The following ATP8B4 variants were observed in gnomAD, a reference collection of about 807,000 sequenced individuals.
ATP8B4 encodes the protein probable phospholipid-transporting ATPase IM.
ATP8B4 carries 133 observed loss-of-function variants against 145.6 expected under a neutral mutation model. The observed-to-expected ratio is 0.91, with a 90% CI of 0.79 to 1.05. ATP8B4 has a LOEUF of 1.05. Ranked by LOEUF, ATP8B4 falls within the 50% of genes least tolerant of loss-of-function variation. The pLI is 0.00. For missense variants in ATP8B4, 1,458 were observed against 1,425.2 expected, an observed-to-expected ratio of 1.02 and a Z score of -0.37; for synonymous variants, 507 against 492.9, an observed-to-expected ratio of 1.03 and a Z score of -0.38.
intron 25 of ATP8B4, among the ~76,000 whole-genome samples, chr15:49,875,909 C>T (rs1326990851): frequency 6.6e-6 from 1 of 152,168 alleles, no homozygotes; most frequent in Non-Finnish European, 1.5e-5. Flanking sequence ...CACTTTAAAA[C>T]CTGGCAGTTA....
chr15:49,969,408 A>C (rs916221998), intron 13 of ATP8B4, among the ~76,000 whole-genome samples: 17 of 152,180 alleles, frequency 1.1e-4, no homozygotes, highest in African/African-American at 4.1e-4. Context: ...AGAGAGAAGA[A>C]TCAAATAGAC....
chr15:49,983,665 T>C (rs562803296), intron 10 of ATP8B4, among the ~76,000 whole-genome samples: 11 of 152,314 alleles, frequency 7.2e-5, no homozygotes, highest in Admixed American at 4.6e-4. Context: ...TTTTCACAAT[T>C]AACACATATA....
chr15:50,168,536 T>C (rs2044626261), intron 1 of ATP8B4, among the ~76,000 whole-genome samples: 1 of 152,162 alleles, frequency 6.6e-6, no homozygotes, highest in South Asian at 2.1e-4. Flanking sequence ...GGGAGCTCGC[T>C]GGGCCCTCAA....
chr15:50,138,976 T>G (rs2044170121), intron 1 of ATP8B4, among the ~76,000 whole-genome samples: 1 of 152,210 alleles, frequency 6.6e-6, no homozygotes. Context: ...ACAATGCTTT[T>G]ACACTATTGG....
At chr15:50,126,280 C>G (rs996974251) in intron 1 of ATP8B4, among the ~76,000 whole-genome samples, 1 of 150,856 alleles carries the variant, frequency 6.6e-6, no homozygotes, top group African/African-American at 2.4e-5. Flanking sequence ...CTGTCAGAGG[C>G]GTCCAAGGCC....
At chr15:50,127,177 G>A (rs937327629) in intron 1 of ATP8B4, among the ~76,000 whole-genome samples, 58 of 152,170 alleles carry the variant, frequency 3.8e-4, no homozygotes, top group Admixed American at 3.8e-3. Flanking sequence ...GGCTCTGCCT[G>A]GAACCTCTGC....
intron 16 of ATP8B4, among the ~76,000 whole-genome samples, chr15:49,929,086 C>T (rs940626390): frequency 1.3e-5 from 2 of 152,112 alleles, no homozygotes; most frequent in Admixed American, 6.6e-5. Flanking sequence ...CTCCTGGTGA[C>T]GCTGATGGGA....
intron 1 of ATP8B4, among the ~76,000 whole-genome samples, chr15:50,155,153 C>G (rs1009228520): frequency 6.6e-6 from 1 of 151,946 alleles, no homozygotes; most frequent in East Asian, 1.9e-4. Flanking sequence ...TAAGTAAGAA[C>G]CTTGAAGTTA....
chr15:49,966,182 A>C (rs1330241740), intron 13 of ATP8B4, among the ~76,000 whole-genome samples: 2 of 152,232 alleles, frequency 1.3e-5, no homozygotes, highest in South Asian at 2.1e-4. Flanking sequence ...TTCAAGCACA[A>C]AACTGGGCAG....
chr15:49,934,226 C>T (rs372134511), intron 14 of ATP8B4, 44 bp from the exon 15 acceptor site: 139 of 1,543,748 alleles, frequency 9.0e-5, no homozygotes, highest in Non-Finnish European at 9.6e-5. Context: ...AACCTCATTC[C>T]AATAATTATC....
chr15:50,001,376 T>A (rs1460877598), intron 8 of ATP8B4, among the ~76,000 whole-genome samples: 3 of 152,220 alleles, frequency 2.0e-5, no homozygotes, highest in African/African-American at 7.2e-5. Context: ...TAAAGTACTA[T>A]TTGAATAGCT....
intron 24 of ATP8B4, 32 bp from the exon 25 acceptor site, chr15:49,876,555 G>A (rs777912776): frequency 6.2e-7 from 1 of 1,612,874 alleles, no homozygotes; most frequent in East Asian, 2.2e-5. Context: ...AGTGGAGAAG[G>A]ATTAAAAAGA....
intron 14 of ATP8B4, among the ~76,000 whole-genome samples, chr15:49,943,113 G>T (rs2042292924): frequency 1.3e-5 from 2 of 151,584 alleles, no homozygotes; most frequent in Non-Finnish European, 2.9e-5. Flanking sequence ...CAGCAGACTT[G>T]ATCAAACAGG....
intron 1 of ATP8B4, among the ~76,000 whole-genome samples, chr15:50,139,237 C>A (rs1431108863): frequency 6.6e-6 from 1 of 152,162 alleles, no homozygotes; most frequent in Non-Finnish European, 1.5e-5. Context: ...CACATATACA[C>A]CAAAGAATAC....
chr15:50,134,105 AT>A (rs2044088697), intron 1 of ATP8B4, among the ~76,000 whole-genome samples: 1 of 152,152 alleles, frequency 6.6e-6, no homozygotes. Context: ...AATATAGATA[AT>A]TTTTATTCAT....
intron 3 of ATP8B4, among the ~76,000 whole-genome samples, chr15:50,050,974 T>C (rs923078523): frequency 2.0e-5 from 3 of 152,104 alleles, no homozygotes; most frequent in African/African-American, 7.2e-5. Flanking sequence ...CTCCTATCTG[T>C]TTTTTTAGAG....
At chr15:49,959,338 ATATC>A (rs1408202419) in intron 14 of ATP8B4, among the ~76,000 whole-genome samples, 1 of 152,068 alleles carries the variant, frequency 6.6e-6, no homozygotes, top group Admixed American at 6.5e-5. Context: ...TTCCAAAAAT[ATATC>A]TATTCTAATC....
chr15:49,926,270 C>T (rs971412684), intron 16 of ATP8B4, among the ~76,000 whole-genome samples: 1 of 152,130 alleles, frequency 6.6e-6, no homozygotes, highest in Non-Finnish European at 1.5e-5. Flanking sequence ...AGCTACTCCT[C>T]TTATATCCCC....
chr15:50,179,032 G>T (rs938534299), intron 1 of ATP8B4, among the ~76,000 whole-genome samples: 6 of 152,176 alleles, frequency 3.9e-5, no homozygotes, highest in African/African-American at 1.4e-4. Flanking sequence ...ATGGTCAGGG[G>T]TGGAAAGTGG....
Sources: gnomAD v4.1 joint callset for allele counts (sites outside exome capture counted in the v4.1 genomes callset) on GRCh38, gnomAD v4.1.1 for gene constraint, MANE v1.5 for transcripts, NCBI Gene and HGNC (gene_info 2026-07-23, HGNC 2026-07-21) for gene names.